The following DMXL1 variants were observed in gnomAD, a reference collection of about 807,000 sequenced individuals.
DMXL1 encodes the protein Dmx like 1.
DMXL1 carries 99 observed loss-of-function variants against 319.2 expected under a neutral mutation model. That is an observed-to-expected ratio of 0.31 (90% CI 0.26 to 0.37). The LOEUF is 0.37. Ranked by LOEUF, DMXL1 falls within the 10% of genes least tolerant of loss-of-function variation. DMXL1 has a pLI of 1.00. For missense variants in DMXL1, 3,745 were observed against 3,595.6 expected, an observed-to-expected ratio of 1.04 and a Z score of -1.06; for synonymous variants, 1,385 against 1,235.2, an observed-to-expected ratio of 1.12 and a Z score of -2.54.
At chr5:119,215,385 G>T (rs1039724780) in intron 34 of DMXL1, among the ~76,000 whole-genome samples, 7 of 152,030 alleles carry the variant, frequency 4.6e-5, no homozygotes, top group African/African-American at 1.5e-4. Flanking sequence ...TTGGCTTACT[G>T]CAGTCTCTGC....
rs139291575 is a variant in DMXL1, at chr5:119,126,338, A to G, written c.1103-2873A>G. 4.8e-4 allele frequency among the ~76,000 whole-genome samples: 73 copies of G among 152,346 alleles called. 1 individual carries two copies. The East Asian group carries it at 0.012, about 26-fold the overall frequency. ...AGCATTATTGTATGTGCTGCATTGA[A>G]TGGAACGTTTATATTATAATTATCA... On this transcript the variant is annotated intron_variant, in intron 9 of 43. Coordinates refer to ENST00000539542, the MANE Select transcript of DMXL1 (RefSeq NM_001290321.3).
Position 119,247,457 on chromosome 5 carries a change from A to G in DMXL1, c.*238A>G, listed in dbSNP as rs1256292665. On this transcript the variant is annotated 3_prime_UTR_variant, in exon 44 of 44. Transcript: ENST00000539542. The stretch of plus-strand genomic sequence containing the variant: ...ATGCTGTAATAATACATATCATAGT[A>G]TATTATAATCAGTATGTCATAGTGT... The G allele has an allele frequency of 1.1e-5, 4 of 351,642 alleles. No individual in the cohort carries two copies. The highest frequency in any genetic ancestry group is 2.1e-5 in the African/African-American group (1 of 48,678). 21.8% of individuals were successfully genotyped at this position (351,642 alleles called of 1,614,324 possible).
intron 7 of DMXL1, among the ~76,000 whole-genome samples, chr5:119,117,129 A>G (rs768236181): frequency 3.4e-4 from 51 of 152,176 alleles, no homozygotes; most frequent in Non-Finnish European, 5.4e-4. Flanking sequence ...CCTGGGCTCA[A>G]GTGATCCTCC....
In DMXL1 at chr5:119,247,402, T is replaced by A; in HGVS notation, c.*183T>A. On this transcript the variant is annotated 3_prime_UTR_variant, in exon 44 of 44. Transcript: ENST00000539542. ...ATTAACAAGGTCATTCAGAAGTAGA[T>A]TACATTGCCTAAAGTAGAATGTGTA... 3 of 516,804 alleles carry A rather than the reference T, an allele frequency of 5.8e-6. No individual in the cohort carries two copies. The highest frequency in any genetic ancestry group is 1.0e-5 in the Non-Finnish European group (3 of 288,692). 32.0% of individuals were successfully genotyped at this position (516,804 alleles called of 1,614,324 possible).
At chr5:119,072,577 C>T (rs1404462915) in intron 1 of DMXL1, among the ~76,000 whole-genome samples, 1 of 152,118 alleles carries the variant, frequency 6.6e-6, no homozygotes, top group Non-Finnish European at 1.5e-5. Context: ...GTATAAGTGA[C>T]ACAAAGTAAA....
At chr5:119,221,783 CTT>C (rs34394187) in intron 37 of DMXL1, among the ~76,000 whole-genome samples, 7 of 145,994 alleles carry the variant, frequency 4.8e-5, no homozygotes, top group Admixed American at 3.4e-4. Flanking sequence ...GACAAATATT[CTT>C]TTTTTTTTTT....
intron 35 of DMXL1, among the ~76,000 whole-genome samples, chr5:119,219,788 G>A (rs776386285): frequency 5.9e-5 from 9 of 151,864 alleles, no homozygotes; most frequent in African/African-American, 4.8e-5. Context: ...GGCTACTATC[G>A]AACTCCTGAG....
chr5:119,125,764 C>G (rs1763406938), intron 9 of DMXL1, among the ~76,000 whole-genome samples: 2 of 151,944 alleles, frequency 1.3e-5, no homozygotes, highest in African/African-American at 4.8e-5. Context: ...CGGGGTTTCA[C>G]CATGTTAGCA....
At chr5:119,123,111 G>T (rs1762583212) in intron 9 of DMXL1, among the ~76,000 whole-genome samples, 1 of 152,116 alleles carries the variant, frequency 6.6e-6, no homozygotes, top group Non-Finnish European at 1.5e-5. Context: ...GACCGGCCCG[G>T]CCAACACAGC....
chr5:119,095,111 T>G (rs1018042046), intron 1 of DMXL1, among the ~76,000 whole-genome samples: 2 of 152,172 alleles, frequency 1.3e-5, no homozygotes, highest in Admixed American at 6.5e-5. Context: ...TGTCTTGGCC[T>G]CCCAAGGTTC....
In DMXL1 at chr5:119,133,155, C is replaced by G. The variant is rs1228322845; in HGVS notation, c.1339C>G (p.Leu447Val). The G allele has an allele frequency of 2.5e-6, 4 of 1,614,070 alleles. No individual in the cohort carries two copies. The highest frequency in any genetic ancestry group is 1.7e-5 in the Admixed American group (1 of 60,012). ...DEETDDGVDD[L>V]KINPEKKELG... ...AGAAACTGATGATGGTGTTGATGAT[C>G]TGAAAATAAATCCCGAAAAGAAGGA... Residue 447 changes from leucine to valine, a missense_variant, in exon 11 of 44, where the codon CTG (leucine) becomes GTG (valine). This residue lies in a region of DMXL1 where 2,096 missense variants were observed against 1,985.4 expected (regional missense o/e 1.06). Coordinates refer to ENST00000539542, the MANE Select transcript of DMXL1 (RefSeq NM_001290321.3).
At chr5:119,210,109 T>C (rs1428935931) in intron 34 of DMXL1, among the ~76,000 whole-genome samples, 1 of 152,058 alleles carries the variant, frequency 6.6e-6, no homozygotes, top group Non-Finnish European at 1.5e-5. Flanking sequence ...CACACCCGGC[T>C]AATTTTTATA....
At chr5:119,120,901 A>G (rs924150712) in intron 8 of DMXL1, 70 bp from the exon 9 acceptor site, 5 of 1,236,648 alleles carry the variant, frequency 4.0e-6, no homozygotes, top group Non-Finnish European at 5.4e-6. Context: ...AACTTCTGAC[A>G]ATCATTATAT....
In DMXL1 at chr5:119,098,081, G is replaced by A; in HGVS notation, c.190G>A (p.Asp64Asn). Residue 64 changes from aspartate to asparagine, a missense_variant, in exon 2 of 44, where the codon GAC (aspartate) becomes AAC (asparagine). By Grantham distance (23) the Asp-to-Asn change is conservative. This residue lies in a region of DMXL1 where 2,096 missense variants were observed against 1,985.4 expected (regional missense o/e 1.06). Coordinates refer to ENST00000539542, the MANE Select transcript of DMXL1 (RefSeq NM_001290321.3). ...KHGNIQVGCVDCSMQQGKIAA... is the reference protein window; with the variant it reads ...KHGNIQVGCVNCSMQQGKIAA... The stretch of plus-strand genomic sequence containing the variant: ...TGGAAATATTCAAGTGGGATGTGTA[G>A]ACTGTTCAATGCAACAAGGCAAGGT... The A allele has an allele frequency of 6.2e-7, 1 of 1,603,238 alleles. No individual in the cohort carries two copies. The highest frequency in any genetic ancestry group is 8.5e-7 in the Non-Finnish European group (1 of 1,177,274).
intron 1 of DMXL1, among the ~76,000 whole-genome samples, chr5:119,093,816 A>G (rs1438757453): frequency 6.6e-6 from 1 of 152,218 alleles, no homozygotes; most frequent in African/African-American, 2.4e-5. Context: ...TATTGCTTAT[A>G]TGGAGAAGGT....
chr5:119,223,761 T>C (rs1785052815), intron 37 of DMXL1, among the ~76,000 whole-genome samples: 1 of 152,116 alleles, frequency 6.6e-6, no homozygotes. Context: ...TTTTTTTACG[T>C]ATGGTTCTCC....
chr5:119,100,143 A>G (rs1009574733), intron 2 of DMXL1, among the ~76,000 whole-genome samples: 2 of 152,250 alleles, frequency 1.3e-5, no homozygotes, highest in East Asian at 1.9e-4. Context: ...AGGTTCTGGT[A>G]CCTGGGGACT....
intron 19 of DMXL1, among the ~76,000 whole-genome samples, chr5:119,157,541 G>C (rs1436505763): frequency 2.0e-5 from 3 of 152,106 alleles, no homozygotes; most frequent in East Asian, 1.9e-4. Flanking sequence ...TCTGCATGTG[G>C]TTATCTAGTT....
chr5:119,245,425 C>G (rs765706067), intron 43 of DMXL1, among the ~76,000 whole-genome samples: 1 of 151,992 alleles, frequency 6.6e-6, no homozygotes, highest in Non-Finnish European at 1.5e-5. Context: ...TTTTTAAAAG[C>G]CTTTTTCTTA....
Sources: allele counts gnomAD v4.1 joint callset (sites outside exome capture counted in the v4.1 genomes callset), GRCh38; gene constraint gnomAD v4.1.1; regional missense constraint gnomAD v4.1.1; transcripts MANE v1.5; gene names NCBI Gene and HGNC (gene_info 2026-07-23, HGNC 2026-07-21).